Variants in CDA observed in about 807,000 individuals in gnomAD.
The protein encoded by CDA is cytidine aminohydrolase.
In CDA, 7 loss-of-function variants were observed where a neutral mutation model predicts 15.0. That is an observed-to-expected ratio of 0.47 (90% CI 0.26 to 0.87). The LOEUF (loss-of-function observed/expected upper bound fraction) is 0.87, where lower values mean the gene tolerates loss of function less well. Among genes scored for constraint, CDA ranks in the 40% least tolerant of loss-of-function variants. The pLI is 0.15. For synonymous variants in CDA, 58 were observed against 73.0 expected (o/e 0.79, Z 1.05); for missense variants, 159 against 182.7 (o/e 0.87, Z 0.75).
chr1:20,604,408 G>T (rs1045933292), intron 1 of CDA, among the ~76,000 whole-genome samples: 5 of 152,148 alleles, frequency 3.3e-5, no homozygotes, highest in East Asian at 1.9e-4. Flanking sequence ...ATAAGTGCAT[G>T]ACTCCCATTC....
At chr1:20,613,979 T>G (rs889756035) in intron 3 of CDA, 80 bp downstream of exon 3, 42 of 1,252,404 alleles carry the variant, frequency 3.4e-5, no homozygotes, top group Non-Finnish European at 4.7e-5. Flanking sequence ...GTTGCAGGCA[T>G]GGCAGGCATG....
chr1:20,603,019 G>A (rs536510046), intron 1 of CDA, among the ~76,000 whole-genome samples: 18 of 152,328 alleles, frequency 1.2e-4, no homozygotes, highest in Middle Eastern at 6.8e-3. Context: ...CCCATTGCCA[G>A]GGAGAGAAAT....
Position 20,618,766 on chromosome 1 carries a change from G to A in CDA, c.*198G>A. The A allele has an allele frequency of 1.8e-6, 1 of 562,590 alleles. No individual in the cohort carries two copies. The highest frequency in any genetic ancestry group is 3.2e-6 in the Non-Finnish European group (1 of 307,900). 34.8% of individuals were successfully genotyped at this position (562,590 alleles called of 1,614,324 possible). A position where few individuals can be genotyped will look rare whatever the true frequency, so the allele number is the denominator to read the frequency against. ...GGGACTTAGAACACCGCCGCCCCCT[G>A]CCCCACCTTTCCTTTCCTTCCTGTG... On this transcript the variant is annotated 3_prime_UTR_variant, in exon 4 of 4. Transcript: ENST00000375071.
At chr1:20,614,165 G>A (rs896858897) in intron 3 of CDA, among the ~76,000 whole-genome samples, 13 of 152,114 alleles carry the variant, frequency 8.5e-5, no homozygotes, top group Admixed American at 7.9e-4. Flanking sequence ...GGAAAAGATG[G>A]GCCAGGCCCT....
At chr1:20,614,725 G>C (rs2052786517) in intron 3 of CDA, among the ~76,000 whole-genome samples, 1 of 152,212 alleles carries the variant, frequency 6.6e-6, no homozygotes, top group Non-Finnish European at 1.5e-5. Flanking sequence ...GGCCACGAGG[G>C]CTAGAGAGCT....
chr1:20,614,802 A>G (rs1338875523), intron 3 of CDA, among the ~76,000 whole-genome samples: 1 of 152,156 alleles, frequency 6.6e-6, no homozygotes, highest in African/African-American at 2.4e-5. Context: ...GCCAGATCAC[A>G]TGGGGCCTGG....
Position 20,591,106 on chromosome 1 carries a change from G to A in CDA, c.154+1823G>A, listed in dbSNP as rs186320666. ...TGTAACCCCAGCACTTTGGGAGGCC[G>A]AGGCAGGCGGATCACGATGTCAGGA... On this transcript the variant is annotated intron_variant, in intron 1 of 3. Coordinates refer to ENST00000375071, the MANE Select transcript of CDA (RefSeq NM_001785.3). 1.8e-3 allele frequency among the ~76,000 whole-genome samples: 273 copies of A among 152,280 alleles called. 5 individuals are homozygous for A. Among genetic ancestry groups the A allele is most frequent in the Non-Finnish European group, 5.4e-4 (37 of 68,018 alleles).
intron 3 of CDA, among the ~76,000 whole-genome samples, chr1:20,616,186 C>T (rs1383219637): frequency 4.6e-5 from 7 of 152,146 alleles, no homozygotes; most frequent in South Asian, 2.1e-4. Flanking sequence ...CTCTGAAGCC[C>T]GTGCTCCTCA....
intron 1 of CDA, among the ~76,000 whole-genome samples, chr1:20,592,883 A>G (rs755469796): frequency 6.6e-6 from 1 of 152,220 alleles, no homozygotes; most frequent in Non-Finnish European, 1.5e-5. Flanking sequence ...CCTTGAGTCC[A>G]GGAGTTCGAG....
At chr1:20,597,237 A>G (rs2052599774) in intron 1 of CDA, among the ~76,000 whole-genome samples, 1 of 152,228 alleles carries the variant, frequency 6.6e-6, no homozygotes, top group East Asian at 1.9e-4. Flanking sequence ...TCATGAGGTC[A>G]GAAGATCAAG....
Position 20,615,470 on chromosome 1 carries a change from C to CA in CDA, c.324+1586dup, listed in dbSNP as rs35351279. On this transcript the variant is annotated intron_variant, in intron 3 of 3. Transcript: ENST00000375071. ...CAACATAGCGAGACCCTGTTCTCCA[C>CA]AAAAAAAAAAAAAAAGGAATAAAAC... 7.2e-4 allele frequency among the ~76,000 whole-genome samples: 81 copies of CA among 113,008 alleles called. 5 individuals carry two copies. The highest frequency in any genetic ancestry group is 1.3e-3 in the African/African-American group (38 of 29,356). The allele number at this position is 113,008 out of a possible 152,430, so 74.1% of individuals were successfully genotyped here.
chr1:20,602,418 G>T (rs1429820122), intron 1 of CDA, among the ~76,000 whole-genome samples: 3 of 146,626 alleles, frequency 2.0e-5, no homozygotes, highest in Middle Eastern at 3.2e-3. Flanking sequence ...CCACATCATG[G>T]TTTTTTTTTT....
Position 20,594,010 on chromosome 1 carries a change from G to C in CDA, c.154+4727G>C, listed in dbSNP as rs1394854087. ...GCCTGGTGTGGTTTCATGGGGTGAAGCAGAGCTGATCAGGAGGCAGAAACG... is the reference window on the plus strand; with the variant it reads ...GCCTGGTGTGGTTTCATGGGGTGAACCAGAGCTGATCAGGAGGCAGAAACG... On this transcript the variant is annotated intron_variant, in intron 1 of 3. Coordinates refer to ENST00000375071, the MANE Select transcript of CDA (RefSeq NM_001785.3). 3.3e-5 allele frequency among the ~76,000 whole-genome samples: 5 copies of C among 152,214 alleles called. No homozygotes were observed. In the South Asian group the frequency reaches 6.2e-4, roughly 19 times the overall value.
intron 2 of CDA, among the ~76,000 whole-genome samples, chr1:20,607,872 C>T (rs1203325289): frequency 1.3e-5 from 2 of 152,162 alleles, no homozygotes; most frequent in Non-Finnish European, 2.9e-5. Flanking sequence ...CAGAGAGAAC[C>T]CCTCTCAGGT....
chr1:20,618,756 G>A lies in CDA; in HGVS notation c.*188G>A, dbSNP rs1030678435. ...AACCTGCCTTGGGACTTAGAACACC[G>A]CCGCCCCCTGCCCCACCTTTCCTTT... On this transcript the variant is annotated 3_prime_UTR_variant, in exon 4 of 4. Coordinates refer to ENST00000375071, the MANE Select transcript of CDA (RefSeq NM_001785.3). 11 of 584,928 alleles carry A rather than the reference G, an allele frequency of 1.9e-5. No individual in the cohort carries two copies. The highest frequency in any genetic ancestry group is 3.1e-5 in the Non-Finnish European group (10 of 324,020). 36.2% of individuals were successfully genotyped at this position (584,928 alleles called of 1,614,324 possible). A position where few individuals can be genotyped will look rare whatever the true frequency, so the allele number is the denominator to read the frequency against.
chr1:20,601,113 C>A (rs2052639779), intron 1 of CDA, among the ~76,000 whole-genome samples: 1 of 152,198 alleles, frequency 6.6e-6, no homozygotes, highest in African/African-American at 2.4e-5. Context: ...TGGAGTGTAG[C>A]CAGACCTCAG....
At chr1:20,598,478 G>A (rs748947385) in intron 1 of CDA, among the ~76,000 whole-genome samples, 5 of 152,198 alleles carry the variant, frequency 3.3e-5, no homozygotes, top group Admixed American at 6.5e-5. Context: ...GGGATATTAC[G>A]TTACAGCAGC....
In CDA at chr1:20,601,591, A is replaced by G. The variant is rs74867387; in HGVS notation, c.155-3337A>G. On this transcript the variant is annotated intron_variant, in intron 1 of 3. Coordinates refer to ENST00000375071, the MANE Select transcript of CDA (RefSeq NM_001785.3). ...TGTGACCACATTCACCCTCACCCTGACAAGGGACCTGCAGCTGTGGCACCC... is the reference window on the plus strand; with the variant it reads ...TGTGACCACATTCACCCTCACCCTGGCAAGGGACCTGCAGCTGTGGCACCC... Among the ~76,000 whole-genome samples the G allele has an allele frequency of 4.6e-5, 7 of 152,180 alleles. No homozygotes were observed. In the East Asian group the frequency reaches 1.3e-3, roughly 29 times the overall value.
intron 2 of CDA, 53 bp from the exon 3 acceptor site, chr1:20,613,789 T>C: frequency 1.3e-6 from 2 of 1,538,438 alleles, no homozygotes; most frequent in East Asian, 2.2e-5. Context: ...TCTTAGCAAT[T>C]GTCCTCAGTC....
Sources: gnomAD v4.1 joint callset for allele counts (sites outside exome capture counted in the v4.1 genomes callset) on GRCh38, gnomAD v4.1.1 for gene constraint, MANE v1.5 for transcripts, NCBI Gene and HGNC (gene_info 2026-07-23, HGNC 2026-07-21) for gene names.